The following VPS13B variants were observed in gnomAD, a reference collection of about 807,000 sequenced individuals.
The protein encoded by VPS13B is intermembrane lipid transfer protein VPS13B.
VPS13B carries 285 observed loss-of-function variants against 426.4 expected under a neutral mutation model. That is an observed-to-expected ratio of 0.67 (90% CI 0.61 to 0.74). VPS13B has a LOEUF of 0.74. VPS13B is among the 30% of genes least tolerant of loss of function. VPS13B has a pLI of 0.00. For missense variants in VPS13B, 4,537 were observed against 4,782.6 expected (o/e 0.95, Z 1.51); for synonymous variants, 1,676 against 1,676.4 (o/e 1.00, Z 0.01).
Position 99,859,394 on chromosome 8 carries a change from CGTA to C in VPS13B, c.10959_10961del (p.Tyr3654del). ...GGGGTCGCCGACTTCTTCAGGCTTC[CGTA>C]TGAGGGGCTGACCCGGGGCCCTGGA... On this transcript the variant is annotated inframe_deletion, in exon 57 of 62. Transcript: ENST00000357162. 6.2e-7 allele frequency: 1 copy of C among 1,614,150 alleles called. No homozygotes were observed. Among genetic ancestry groups the C allele is most frequent in the Non-Finnish European group, 8.5e-7 (1 of 1,180,050 alleles).
At chr8:99,326,451 G>GTTTTTTTT (rs1563669420) in intron 19 of VPS13B, among the ~76,000 whole-genome samples, 19 of 19,728 alleles carry the variant, frequency 9.6e-4, no homozygotes, top group Non-Finnish European at 1.4e-3. Context: ...TCTCTAGGTA[G>GTTTTTTTT]CTTTTTTTTT....
chr8:99,285,597 G>C (rs1819391980), intron 19 of VPS13B, among the ~76,000 whole-genome samples: 1 of 152,000 alleles, frequency 6.6e-6, no homozygotes, highest in Non-Finnish European at 1.5e-5. Flanking sequence ...TTTCTACTTA[G>C]AAAATAATAT....
chr8:99,448,504 C>A (rs569537430), intron 23 of VPS13B, among the ~76,000 whole-genome samples: 2 of 152,020 alleles, frequency 1.3e-5, no homozygotes, highest in African/African-American at 4.8e-5. Flanking sequence ...ATATTATAAG[C>A]CTTTGATGCA....
At chr8:99,015,842 G>T (rs1415843092) in intron 2 of VPS13B, among the ~76,000 whole-genome samples, 1 of 152,130 alleles carries the variant, frequency 6.6e-6, no homozygotes, top group Admixed American at 6.5e-5. Flanking sequence ...GGTGGAGGTT[G>T]CAGTGAGCCG....
chr8:99,440,068 G>A (rs997691408), intron 22 of VPS13B, among the ~76,000 whole-genome samples: 21 of 152,256 alleles, frequency 1.4e-4, no homozygotes, highest in African/African-American at 4.8e-4. Context: ...AATAGAGGTG[G>A]TTCCACTTCA....
At chr8:99,870,721 A>AT (rs1817352998) in intron 59 of VPS13B, 64 bp from the exon 60 acceptor site, 1 of 1,464,974 alleles carries the variant, frequency 6.8e-7, no homozygotes, top group Admixed American at 1.7e-5. Context: ...AGATGACATC[A>AT]TTGCAGCATG....
At chr8:99,147,111 CTTAT>C (rs1164510937) in intron 13 of VPS13B, among the ~76,000 whole-genome samples, 2 of 151,392 alleles carry the variant, frequency 1.3e-5, no homozygotes, top group Admixed American at 6.6e-5. Flanking sequence ...GGTATGTAGT[CTTAT>C]TTATTTATTT....
chr8:99,058,374 A>T (rs938535983), intron 3 of VPS13B, among the ~76,000 whole-genome samples: 53 of 151,590 alleles, frequency 3.5e-4, no homozygotes, highest in African/African-American at 1.3e-3. Flanking sequence ...ATTTTAAATT[A>T]TCCATAATAT....
intron 3 of VPS13B, among the ~76,000 whole-genome samples, chr8:99,047,487 T>G (rs1279165138): frequency 1.3e-5 from 2 of 152,160 alleles, no homozygotes; most frequent in African/African-American, 4.8e-5. Flanking sequence ...AGCTTTTTGT[T>G]TCATTTATCT....
chr8:99,059,916 C>T (rs1189219581), intron 3 of VPS13B, among the ~76,000 whole-genome samples: 1 of 150,574 alleles, frequency 6.6e-6, no homozygotes, highest in African/African-American at 2.4e-5. Context: ...TATTTTTTTT[C>T]GTAGAGACGG....
At chr8:99,350,202 G>A (rs1811800180) in intron 19 of VPS13B, among the ~76,000 whole-genome samples, 2 of 152,152 alleles carry the variant, frequency 1.3e-5, no homozygotes, top group Admixed American at 1.3e-4. Context: ...AAGTAAAGGA[G>A]GGGAGAGAGC....
chr8:99,350,697 T>A (rs1479546517), intron 19 of VPS13B, among the ~76,000 whole-genome samples: 1 of 152,112 alleles, frequency 6.6e-6, no homozygotes, highest in African/African-American at 2.4e-5. Flanking sequence ...GCAACTAAAA[T>A]AAATCACTTG....
At chr8:99,262,787 T>C (rs1481595246) in intron 17 of VPS13B, among the ~76,000 whole-genome samples, 1 of 151,978 alleles carries the variant, frequency 6.6e-6, no homozygotes, top group Non-Finnish European at 1.5e-5. Flanking sequence ...GTTGTTGTTG[T>C]TGTTGTTGTT....
At chr8:99,367,305 CTTT>C (rs1812944255) in intron 19 of VPS13B, among the ~76,000 whole-genome samples, 1 of 152,176 alleles carries the variant, frequency 6.6e-6, no homozygotes, top group Non-Finnish European at 1.5e-5. Flanking sequence ...CCCTTCAGAA[CTTT>C]AAATATTTCA....
At chr8:99,232,935 T>G in intron 17 of VPS13B, 1 of 609,598 alleles carries the variant, frequency 1.6e-6, no homozygotes, top group Non-Finnish European at 2.9e-6. Flanking sequence ...GACTTCTCAT[T>G]CCTCAGATGG....
At chr8:99,349,187 G>A (rs1433360311) in intron 19 of VPS13B, among the ~76,000 whole-genome samples, 1 of 149,012 alleles carries the variant, frequency 6.7e-6, no homozygotes, top group Non-Finnish European at 1.5e-5. Flanking sequence ...CAAAAAATTA[G>A]CCGGGCGTAG....
Position 99,543,719 on chromosome 8 carries a change from C to T in VPS13B, c.4746-12731C>T, listed in dbSNP as rs1354112473. ...CAAAAAACACATGAAAAAATGCTCACCATCACTGGCCATCAGAGAAATGCA... is the reference window on the plus strand; with the variant it reads ...CAAAAAACACATGAAAAAATGCTCATCATCACTGGCCATCAGAGAAATGCA... On this transcript the variant is annotated intron_variant, in intron 30 of 61. Transcript: ENST00000357162. 7.3e-5 allele frequency among the ~76,000 whole-genome samples: 11 copies of T among 150,024 alleles called. No individual in the cohort carries two copies. In the East Asian group the frequency reaches 7.9e-4, roughly 11 times the overall value.
chr8:99,422,944 G>GT (rs1194179969), intron 21 of VPS13B, among the ~76,000 whole-genome samples: 1 of 152,096 alleles, frequency 6.6e-6, no homozygotes, highest in Non-Finnish European at 1.5e-5. Context: ...ATATGTTTGA[G>GT]TTTTTTCACT....
intron 30 of VPS13B, among the ~76,000 whole-genome samples, chr8:99,543,582 C>G (rs1373546489): frequency 3.9e-5 from 6 of 151,948 alleles, no homozygotes; most frequent in Non-Finnish European, 8.8e-5. Context: ...GGGCTAATAT[C>G]CAGAATCTAC....
Sources: allele counts gnomAD v4.1 joint callset (sites outside exome capture counted in the v4.1 genomes callset), GRCh38; gene constraint gnomAD v4.1.1; transcripts MANE v1.5; gene names NCBI Gene and HGNC (gene_info 2026-07-23, HGNC 2026-07-21).